The following TNRC6A variants were observed in gnomAD, a reference collection of about 807,000 sequenced individuals.
The protein encoded by TNRC6A is trinucleotide repeat containing adaptor 6A.
A neutral mutation model predicts 221.2 loss-of-function variants in TNRC6A; 44 were observed. That is an observed-to-expected ratio of 0.20 (90% CI 0.16 to 0.26). The LOEUF (loss-of-function observed/expected upper bound fraction) is 0.26. TNRC6A is among the 10% of genes least tolerant of loss of function. The pLI is 1.00. For missense variants in TNRC6A, 2,199 were observed against 2,404.4 expected (o/e 0.91, Z 1.79); for synonymous variants, 847 against 838.5 (o/e 1.01, Z -0.18).
chr16:24,659,970 A>T (rs2054994567), intron 2 of TNRC6A, among the ~76,000 whole-genome samples: 1 of 152,070 alleles, frequency 6.6e-6, no homozygotes, highest in East Asian at 1.9e-4. Context: ...TAATTTTTTT[A>T]TCTACTGCAA....
chr16:24,617,636 G>A (rs28472767), intron 1 of TNRC6A, among the ~76,000 whole-genome samples: 4,521 of 152,224 alleles, frequency 0.03, 225 homozygotes, highest in African/African-American at 0.1. Flanking sequence ...AACCCCAGGA[G>A]GTAGGTATTG....
chr16:24,813,807 T>C (rs2058597105), intron 18 of TNRC6A, among the ~76,000 whole-genome samples: 2 of 152,246 alleles, frequency 1.3e-5, no homozygotes. Flanking sequence ...CCTTGCTGCC[T>C]CGTTATATCA....
chr16:24,814,471 T>C lies in TNRC6A; in HGVS notation c.4673-676T>C, dbSNP rs532845164. ...CTTCCCAGGCTAGAGTGCAGTGGCA[T>C]GATCTCAGCTCACTGCAACCTCTGC... On this transcript the variant is annotated intron_variant, in intron 18 of 24. Transcript: ENST00000395799. 2.1e-5 allele frequency among the ~76,000 whole-genome samples: 3 copies of C among 143,950 alleles called. No homozygotes were observed. The South Asian group carries it at 6.8e-4, about 33-fold the overall frequency. The allele number at this position is 143,950 out of a possible 152,430, so 94.4% of individuals were successfully genotyped here.
intron 2 of TNRC6A, among the ~76,000 whole-genome samples, chr16:24,681,536 T>G (rs2055534163): frequency 6.6e-6 from 1 of 152,054 alleles, no homozygotes; most frequent in Admixed American, 6.6e-5. Flanking sequence ...CCTAACCTGT[T>G]TTTTTTCTAT....
At position 24,809,450 on chromosome 16, in the gene TNRC6A, C is replaced by T; in HGVS notation, c.4641C>T (p.Asn1547=). Residue 1547 remains asparagine, a synonymous_variant, in exon 18 of 25, where the codon AAC becomes AAT. Transcript: ENST00000395799. ...KWTTVDSISV[N]TSLDQNSSKH... The stretch of plus-strand genomic sequence containing the variant: ...CGACAGTGGACAGCATTTCTGTGAA[C>T]ACATCTTTGGATCAAAACTCCAGCA... 1 of 1,574,016 alleles carries T rather than the reference C, an allele frequency of 6.4e-7. No homozygotes were observed.
intron 4 of TNRC6A, among the ~76,000 whole-genome samples, chr16:24,775,554 T>C (rs2057701440): frequency 6.6e-6 from 1 of 152,204 alleles, no homozygotes; most frequent in South Asian, 2.1e-4. Flanking sequence ...TGGTGGCTAT[T>C]GTAAACTCAG....
intron 4 of TNRC6A, among the ~76,000 whole-genome samples, chr16:24,770,575 C>T (rs1013302932): frequency 3.9e-5 from 6 of 152,116 alleles, no homozygotes; most frequent in African/African-American, 1.4e-4. Flanking sequence ...GAAATTCCTG[C>T]TTGAGTAACT....
chr16:24,645,611 G>A (rs1422481631), intron 2 of TNRC6A, among the ~76,000 whole-genome samples: 2 of 151,776 alleles, frequency 1.3e-5, no homozygotes, highest in African/African-American at 4.8e-5. Flanking sequence ...AAATTGAAAA[G>A]TAACTCTAAA....
intron 2 of TNRC6A, among the ~76,000 whole-genome samples, chr16:24,666,462 A>G (rs1472769475): frequency 6.6e-5 from 8 of 120,422 alleles, no homozygotes; most frequent in Non-Finnish European, 1.2e-4. Flanking sequence ...ACAGAGCAAG[A>G]CTCCGTCTCA....
intron 22 of TNRC6A, among the ~76,000 whole-genome samples, chr16:24,821,209 T>C (rs929158769): frequency 1.2e-4 from 19 of 152,068 alleles, no homozygotes; most frequent in Admixed American, 1.1e-3. Context: ...TTTGGTTTGG[T>C]GTGAGTGGTT....
At chr16:24,799,612 A>C (rs943092887) in intron 11 of TNRC6A, among the ~76,000 whole-genome samples, 2 of 152,254 alleles carry the variant, frequency 1.3e-5, no homozygotes, top group Non-Finnish European at 2.9e-5. Context: ...CAGGAAAAAA[A>C]ATGCTTGGCC....
upstream of TNRC6A, among the ~76,000 whole-genome samples, chr16:24,729,308 T>TC (rs2151132822): frequency 6.7e-6 from 1 of 150,190 alleles, no homozygotes; most frequent in African/African-American, 2.4e-5. Context: ...GCAATTTTTT[T>TC]TTTTTTTTTT....
intron 2 of TNRC6A, among the ~76,000 whole-genome samples, chr16:24,672,270 C>G (rs970154827): frequency 2.6e-5 from 4 of 151,860 alleles, no homozygotes; most frequent in African/African-American, 7.3e-5. Context: ...TACAGGCGCA[C>G]GCCGCCACGC....
intron 1 of TNRC6A, among the ~76,000 whole-genome samples, chr16:24,623,675 G>A (rs374892077): frequency 9.9e-5 from 15 of 151,894 alleles, no homozygotes; most frequent in African/African-American, 3.6e-4. Context: ...GTGGGTGCTT[G>A]AGTCCAGGAG....
At chr16:24,676,379 C>T (rs959920011) in intron 2 of TNRC6A, among the ~76,000 whole-genome samples, 8 of 152,124 alleles carry the variant, frequency 5.3e-5, no homozygotes, top group Non-Finnish European at 1.2e-4. Context: ...TCACTGCAAC[C>T]TCCACCACCC....
At chr16:24,664,812 C>CACAA (rs747146748) in intron 2 of TNRC6A, 194 of 439,602 alleles carry the variant, frequency 4.4e-4, no homozygotes, top group African/African-American at 3.9e-3. Flanking sequence ...CACACACACA[C>CACAA]AAAACCTATA....
intron 2 of TNRC6A, among the ~76,000 whole-genome samples, chr16:24,707,044 G>A (rs2056109884): frequency 6.6e-6 from 1 of 151,608 alleles, no homozygotes; most frequent in Admixed American, 6.6e-5. Flanking sequence ...CACCCAGGCT[G>A]GAGTGCAGTA....
In TNRC6A at chr16:24,794,605, C is replaced by T. The variant is rs1416897514; in HGVS notation, c.3414C>T (p.Pro1138=). 1.2e-6 allele frequency: 2 copies of T among 1,614,040 alleles called. No homozygotes were observed. Among genetic ancestry groups the T allele is most frequent in the East Asian group, 2.2e-5 (1 of 44,880 alleles). The stretch of plus-strand genomic sequence containing the variant: ...ATATGCCATTGCCTGGAAATCGCCC[C>T]ACTGGCTGGGAAGAGGAAGAGGATG... The part of the protein sequence containing the change: ...GDDMPLPGNR[P]TGWEEEEDVE... The change falls in exon 8 of 25, where the codon CCC becomes CCT. Residue 1138 remains proline (P), a synonymous_variant. Coordinates refer to ENST00000395799, the MANE Select transcript of TNRC6A (RefSeq NM_014494.4).
chr16:24,720,726 A>G (rs2056395337), intron 2 of TNRC6A, among the ~76,000 whole-genome samples: 1 of 149,828 alleles, frequency 6.7e-6, no homozygotes, highest in Non-Finnish European at 1.5e-5. Context: ...GAAAAAAAAA[A>G]AAGAAAAAAG....
Sources: allele counts gnomAD v4.1 joint callset (sites outside exome capture counted in the v4.1 genomes callset), GRCh38; gene constraint gnomAD v4.1.1; transcripts MANE v1.5; gene names NCBI Gene and HGNC (gene_info 2026-07-23, HGNC 2026-07-21).